HS3ST5: variants seen among roughly 807,000 people sequenced by gnomAD.
HS3ST5 encodes the protein heparan sulfate glucosamine 3-O-sulfotransferase 5.
HS3ST5 carries 10 observed loss-of-function variants against 25.4 expected under a neutral mutation model. That is an observed-to-expected ratio of 0.39 (90% CI 0.24 to 0.67). The LOEUF is 0.67. Among genes scored for constraint, HS3ST5 ranks in the 30% least tolerant of loss-of-function variants. The pLI, the probability that HS3ST5 is intolerant of heterozygous loss-of-function variation, is 0.44. For synonymous variants in HS3ST5, 170 were observed against 162.4 expected (o/e 1.05, Z -0.36); for missense variants, 324 against 420.7 (o/e 0.77, Z 2.01).
chr6:114,059,356 T>C (rs1028970891), intron 4 of HS3ST5: 3 of 152,196 alleles, frequency 2.0e-5, no homozygotes, highest in Admixed American at 6.5e-5. Context: ...ATTCTAATAA[T>C]TTGGAATCTG....
chr6:114,187,392 A>G (rs576530204), intron 2 of HS3ST5, among the ~76,000 whole-genome samples: 1 of 152,296 alleles, frequency 6.6e-6, no homozygotes, highest in African/African-American at 2.4e-5. Flanking sequence ...GTTGATTCCA[A>G]CCCTCATGGA....
rs746830528 is a variant in HS3ST5 at position 114,062,879 on chromosome 6, T to G, written c.-32-2A>C. On this transcript the variant is annotated splice_acceptor_variant, in intron 3 of 4. Coordinates refer to ENST00000312719, the MANE Select transcript of HS3ST5 (RefSeq NM_153612.4). LOFTEE classifies it low-confidence loss of function (5UTR_SPLICE). ...ATCAACCTTCAGGACTGCTGCAGCC[T>G]GCGATAGAAGGACTCATCAGCAGCC... The G allele has an allele frequency of 7.8e-6, 12 of 1,547,716 alleles. No homozygotes were observed. In the East Asian group the frequency reaches 2.7e-4, roughly 35 times the overall value.
At chr6:114,062,277 T>G (rs2114706172) in intron 4 of HS3ST5, among the ~76,000 whole-genome samples, 1 of 152,272 alleles carries the variant, frequency 6.6e-6, no homozygotes, top group South Asian at 2.1e-4. Context: ...CAGCCATCTT[T>G]CCAGAGCAAT....
intron 3 of HS3ST5, among the ~76,000 whole-genome samples, chr6:114,081,218 A>C (rs536392259): frequency 4.5e-4 from 69 of 152,332 alleles, no homozygotes; most frequent in Middle Eastern, 3.4e-3. Context: ...ACAGATCACC[A>C]CAACAGATAT....
chr6:114,098,650 T>C (rs1022429317), intron 3 of HS3ST5, among the ~76,000 whole-genome samples: 2 of 151,564 alleles, frequency 1.3e-5, no homozygotes, highest in African/African-American at 4.8e-5. Context: ...TGAATGGGCA[T>C]ATTAAGCAGC....
intron 1 of HS3ST5, among the ~76,000 whole-genome samples, chr6:114,325,374 T>C (rs1776132786): frequency 6.6e-6 from 1 of 152,188 alleles, no homozygotes; most frequent in East Asian, 1.9e-4. Flanking sequence ...TTGATCAAAA[T>C]TAGATAACTT....
chr6:114,086,386 C>A (rs896568532), intron 3 of HS3ST5, among the ~76,000 whole-genome samples: 2 of 152,192 alleles, frequency 1.3e-5, no homozygotes, highest in Non-Finnish European at 2.9e-5. Flanking sequence ...ATTTGGAAAG[C>A]AGCCTCTAGG....
chr6:114,062,710 G>A, intron 4 of HS3ST5, 29 bp downstream of exon 4: 3 of 1,375,928 alleles, frequency 2.2e-6, no homozygotes, highest in Non-Finnish European at 3.1e-6. Flanking sequence ...AATGTCACAG[G>A]GGTATAAGCA....
chr6:114,269,389 T>TA (rs2114695896), intron 1 of HS3ST5, among the ~76,000 whole-genome samples: 1 of 152,308 alleles, frequency 6.6e-6, no homozygotes, highest in African/African-American at 2.4e-5. Context: ...AAACCAGGGA[T>TA]ATTTAAAGGG....
chr6:114,111,212 G>A (rs963969880), intron 3 of HS3ST5, among the ~76,000 whole-genome samples: 2 of 152,132 alleles, frequency 1.3e-5, no homozygotes, highest in African/African-American at 4.8e-5. Context: ...GGTTTCAATG[G>A]AGCATAACTA....
At chr6:114,258,276 T>C (rs1392065810) in intron 1 of HS3ST5, among the ~76,000 whole-genome samples, 2 of 152,190 alleles carry the variant, frequency 1.3e-5, no homozygotes, top group African/African-American at 4.8e-5. Context: ...GATTCCCTTC[T>C]TGTTTCAGGT....
intron 3 of HS3ST5, among the ~76,000 whole-genome samples, chr6:114,076,788 G>C (rs936169651): frequency 1.3e-5 from 2 of 152,210 alleles, no homozygotes; most frequent in South Asian, 2.1e-4. Context: ...TGTTGTGCAC[G>C]TGTCAAGTCG....
chr6:114,153,140 G>A (rs1024390371), intron 3 of HS3ST5, among the ~76,000 whole-genome samples: 13 of 152,180 alleles, frequency 8.5e-5, no homozygotes, highest in Admixed American at 4.6e-4. Context: ...TGATGCCCAC[G>A]GTACTGTTAA....
chr6:114,076,824 A>G lies in HS3ST5; in HGVS notation c.-32-13947T>C, dbSNP rs1219045932. Among the ~76,000 whole-genome samples the G allele has an allele frequency of 2.0e-5, 3 of 152,370 alleles. No homozygotes were observed. In the East Asian group the frequency reaches 5.8e-4, roughly 29 times the overall value. The stretch of plus-strand genomic sequence containing the variant: ...AATGGGAGATGGGGTAGAGATTAAG[A>G]GGAAAATGGACACCATTTGTTAGTA... On this transcript the variant is annotated intron_variant, in intron 3 of 4. Transcript: ENST00000312719.
intron 1 of HS3ST5, among the ~76,000 whole-genome samples, chr6:114,255,856 G>A (rs961347227): frequency 5.3e-5 from 8 of 152,030 alleles, no homozygotes; most frequent in African/African-American, 1.9e-4. Flanking sequence ...CTAGCCTCCA[G>A]GCCTGTGCTG....
At chr6:114,279,530 A>G (rs1193989909) in intron 1 of HS3ST5, among the ~76,000 whole-genome samples, 2 of 152,052 alleles carry the variant, frequency 1.3e-5, no homozygotes, top group Non-Finnish European at 2.9e-5. Context: ...AATTGCAGTG[A>G]GATCTAAATG....
At chr6:114,209,639 A>C (rs1425209257) in intron 2 of HS3ST5, among the ~76,000 whole-genome samples, 1 of 152,196 alleles carries the variant, frequency 6.6e-6, no homozygotes, top group Non-Finnish European at 1.5e-5. Context: ...TTATTTTGCT[A>C]TCCCTTATAG....
chr6:114,189,551 T>TA (rs1172684247), intron 2 of HS3ST5, among the ~76,000 whole-genome samples: 1 of 152,178 alleles, frequency 6.6e-6, no homozygotes, highest in African/African-American at 2.4e-5. Context: ...ATCTCTTTAT[T>TA]ATTTTGCTAT....
intron 3 of HS3ST5, chr6:114,144,029 TCTC>T (rs1189980591): frequency 6.6e-6 from 1 of 152,202 alleles, no homozygotes; most frequent in Non-Finnish European, 1.5e-5. Context: ...AAGAGACTCA[TCTC>T]TATTTTTTAT....
Sources: gnomAD v4.1 joint callset for allele counts (sites outside exome capture counted in the v4.1 genomes callset) on GRCh38, gnomAD v4.1.1 for gene constraint, MANE v1.5 for transcripts, NCBI Gene and HGNC (gene_info 2026-07-23, HGNC 2026-07-21) for gene names.